The following PCDH15 variants were observed in gnomAD, a reference collection of about 807,000 sequenced individuals.
The protein encoded by PCDH15 is protocadherin-15.
A neutral mutation model predicts 178.5 loss-of-function variants in PCDH15; 129 were observed. The observed-to-expected ratio is 0.72, with a 90% CI of 0.63 to 0.84. PCDH15 has a LOEUF of 0.84. PCDH15 is among the 40% of genes least tolerant of loss of function. The probability of loss-of-function intolerance (pLI) is 0.00; values close to 1 mark genes in which losing one functional copy is unlikely to be tolerated. For synonymous variants in PCDH15, 800 were observed against 732.0 expected (o/e 1.09, Z -1.50); for missense variants, 2,230 against 2,099.9 (o/e 1.06, Z -1.21).
At chr10:54,721,434 A>G (rs1288840612) in intron 1 of PCDH15, among the ~76,000 whole-genome samples, 1 of 151,934 alleles carries the variant, frequency 6.6e-6, no homozygotes, top group African/African-American at 2.4e-5. Context: ...GGACCAATTA[A>G]CAGCTAGTTC....
intron 2 of PCDH15, among the ~76,000 whole-genome samples, chr10:54,605,319 G>T (rs1241975261): frequency 3.3e-5 from 5 of 151,720 alleles, no homozygotes; most frequent in Non-Finnish European, 7.4e-5. Context: ...TTTTTTATAT[G>T]ACAAGTCTAG....
intron 2 of PCDH15, among the ~76,000 whole-genome samples, chr10:55,532,610 A>C (rs1343421613): frequency 6.6e-6 from 1 of 152,092 alleles, no homozygotes; most frequent in Admixed American, 6.6e-5. Flanking sequence ...GTATAAACCC[A>C]GATATGCTGG....
At chr10:54,653,625 T>C (rs2094311644) in intron 2 of PCDH15, among the ~76,000 whole-genome samples, 1 of 152,210 alleles carries the variant, frequency 6.6e-6, no homozygotes, top group Non-Finnish European at 1.5e-5. Context: ...TTGGATTCTT[T>C]TAATACCTAA....
rs1217799569 is a variant in PCDH15 at position 54,195,866 on chromosome 10, A to T, written c.1122T>A (p.Pro374=). The change falls in exon 11 of 38, where the codon CCT becomes CCA. Residue 374 remains proline, a synonymous_variant. Transcript: ENST00000644397. ...TGTGTAGACCGGCAAAGGCAGGAAGAGGATGACCATTGTCTTGTTCAGCCT... is the reference window on the plus strand; with the variant it reads ...TGTGTAGACCGGCAAAGGCAGGAAGTGGATGACCATTGTCTTGTTCAGCCT... ...VIKAEQDNGH[P]LPAFAGLHIE... 1 of 1,613,678 alleles carries T rather than the reference A, an allele frequency of 6.2e-7. No homozygotes were observed. The highest frequency in any genetic ancestry group is 1.3e-5 in the African/African-American group (1 of 74,868).
intron 2 of PCDH15, among the ~76,000 whole-genome samples, chr10:55,587,072 G>A (rs1193820835): frequency 6.6e-6 from 1 of 152,034 alleles, no homozygotes; most frequent in Non-Finnish European, 1.5e-5. Context: ...CTTTCTGAAT[G>A]TTCTCTCAAA....
intron 2 of PCDH15, among the ~76,000 whole-genome samples, chr10:55,363,034 A>T (rs1845267572): frequency 6.6e-6 from 1 of 152,206 alleles, no homozygotes; most frequent in Non-Finnish European, 1.5e-5. Context: ...AAAGCTGTAA[A>T]GCTGTCCTGG....
At chr10:54,307,100 GTGTGTATATATATATATATATATATATA>G (rs2060582009) in intron 8 of PCDH15, among the ~76,000 whole-genome samples, 12 of 15,532 alleles carry the variant, frequency 7.7e-4, no homozygotes, top group Admixed American at 3.0e-3. Context: ...ATATGTGTGT[GTGTGTATATATATATATATATATATATA>G]TATATATATA....
Position 54,542,472 on chromosome 10 carries a change from T to G in PCDH15, c.92-14595A>C, listed in dbSNP as rs143685189. On this transcript the variant is annotated intron_variant, in intron 2 of 37. Coordinates refer to ENST00000644397, the MANE Select transcript of PCDH15 (RefSeq NM_001384140.1). ...GGTGAATATCCAAGGGTGGAATGAG[T>G]AGGGACTGTGGCTGAGAGTTATGAA... Among the ~76,000 whole-genome samples, 793 of 152,230 alleles carry G rather than the reference T, an allele frequency of 5.2e-3. 6 individuals are homozygous for G. In the Middle Eastern group the frequency reaches 0.058, roughly 11 times the overall value.
intron 1 of PCDH15, among the ~76,000 whole-genome samples, chr10:55,221,190 G>A (rs1385285446): frequency 6.6e-6 from 1 of 152,056 alleles, no homozygotes; most frequent in Non-Finnish European, 1.5e-5. Context: ...TACATAGTGT[G>A]TGTCCAAGAA....
rs116982115 is a variant in PCDH15, at chr10:54,818,979, C to T, written c.-29+78471G>A. ...TCATTTTGTTGTGCAGACTGAAGAG[C>T]TGTGGGGTGATCATAGTTCACTGTA... On this transcript the variant is annotated intron_variant, in intron 3 of 5. Transcript: ENST00000458638. Among the ~76,000 whole-genome samples, 97 of 151,930 alleles carry T rather than the reference C, an allele frequency of 6.4e-4. 2 individuals are homozygous for T. In the East Asian group the frequency reaches 0.017, roughly 26 times the overall value.
chr10:54,972,848 CAAAA>C (rs750356955), intron 2 of PCDH15, among the ~76,000 whole-genome samples: 51 of 53,516 alleles, frequency 9.5e-4, no homozygotes, highest in South Asian at 1.9e-3. Flanking sequence ...GACTCCATCT[CAAAA>C]AAAAAAAAAA....
At chr10:54,519,719 G>A (rs1210724353) in intron 3 of PCDH15, among the ~76,000 whole-genome samples, 1 of 152,088 alleles carries the variant, frequency 6.6e-6, no homozygotes, top group Non-Finnish European at 1.5e-5. Flanking sequence ...CTCCTTTAAA[G>A]TTCATATGGA....
chr10:55,110,920 T>C (rs373461604), intron 2 of PCDH15, among the ~76,000 whole-genome samples: 1 of 152,156 alleles, frequency 6.6e-6, no homozygotes, highest in East Asian at 1.9e-4. Context: ...TTACTTCTTA[T>C]TTTTTAACTA....
chr10:53,897,759 C>A lies in PCDH15; in HGVS notation c.3501+5484G>T, dbSNP rs144188915. 2.9e-3 allele frequency among the ~76,000 whole-genome samples: 449 copies of A among 152,208 alleles called. 2 individuals carry two copies. Among genetic ancestry groups the A allele is most frequent in the Admixed American group, 8.1e-3 (124 of 15,286 alleles). ...TCTGCTTTCTGTCTTTATGAATTTG[C>A]CTACTCTAGGTAAGTAGAGTCATAC... On this transcript the variant is annotated intron_variant, in intron 26 of 37. Transcript: ENST00000644397.
At chr10:54,016,918 T>G (rs1674753173) in intron 20 of PCDH15, among the ~76,000 whole-genome samples, 1 of 152,228 alleles carries the variant, frequency 6.6e-6, no homozygotes, top group Non-Finnish European at 1.5e-5. Flanking sequence ...TGGAAATTAC[T>G]CAGAATCATT....
chr10:55,055,556 A>T (rs1472352726), intron 2 of PCDH15, among the ~76,000 whole-genome samples: 5 of 152,150 alleles, frequency 3.3e-5, no homozygotes, highest in Admixed American at 3.3e-4. Context: ...TCATCGCAGC[A>T]CTTTGGGAGG....
intron 3 of PCDH15, among the ~76,000 whole-genome samples, chr10:54,395,819 C>T: frequency 6.6e-6 from 1 of 152,022 alleles, no homozygotes; most frequent in East Asian, 1.9e-4. Flanking sequence ...TATTAAGTCC[C>T]ATAAATATAT....
intron 2 of PCDH15, among the ~76,000 whole-genome samples, chr10:54,932,611 T>C (rs964801250): frequency 1.6e-4 from 25 of 152,134 alleles, no homozygotes; most frequent in African/African-American, 6.0e-4. Flanking sequence ...AGTACAGTGG[T>C]GCCATCTAGG....
At chr10:54,576,368 A>T (rs553818317) in intron 2 of PCDH15, among the ~76,000 whole-genome samples, 1 of 152,330 alleles carries the variant, frequency 6.6e-6, no homozygotes, top group South Asian at 2.1e-4. Context: ...CAGAATGAAA[A>T]TCACTGATCA....
Sources: allele counts gnomAD v4.1 joint callset (sites outside exome capture counted in the v4.1 genomes callset), GRCh38; gene constraint gnomAD v4.1.1; transcripts MANE v1.5; gene names NCBI Gene and HGNC (gene_info 2026-07-23, HGNC 2026-07-21).